SIPA1L3: variants seen among roughly 807,000 people sequenced by gnomAD.
The protein encoded by SIPA1L3 is signal induced proliferation associated 1 like 3, also known as signal-induced proliferation-associated 1-like protein 3.
In SIPA1L3, 59 loss-of-function variants were observed where a neutral mutation model predicts 150.1. The ratio of observed to expected loss-of-function variants is 0.39; its 90% CI spans 0.32 to 0.49. SIPA1L3 has a LOEUF of 0.49. Ranked by LOEUF, SIPA1L3 falls within the 20% of genes least tolerant of loss-of-function variation. The pLI is 0.86. For synonymous variants in SIPA1L3, 1,070 were observed against 1,077.6 expected, an observed-to-expected ratio of 0.99 and a Z score of 0.14; for missense variants, 2,211 against 2,489.5, an observed-to-expected ratio of 0.89 and a Z score of 2.38.
Position 38,082,968 on chromosome 19 carries a change from G to A in SIPA1L3, c.1403G>A (p.Arg468His), listed in dbSNP as rs1172775117. 7 of 1,612,876 alleles carry A rather than the reference G, an allele frequency of 4.3e-6. No individual in the cohort carries two copies. Among genetic ancestry groups the A allele is most frequent in the African/African-American group, 2.7e-5 (2 of 74,944 alleles). The change falls in exon 3 of 22, where the codon CGC becomes CAC. Residue 468 changes from arginine to histidine, a missense_variant. Around this residue, in one of 5 missense-constraint regions of SIPA1L3, gnomAD observed 587 missense variants for 534.5 expected, o/e 1.10. Coordinates refer to ENST00000222345, the MANE Select transcript of SIPA1L3 (RefSeq NM_015073.3). ...GCAGAGCCCGCCCTGAGCGCCTACC[G>A]CACCAACGCCAGCATCTCGGTGTTG... is the stretch of plus-strand genomic sequence containing the variant. Reference protein sequence around the residue: ...HLAEPALSAYRTNASISVLEV... With the variant: ...HLAEPALSAYHTNASISVLEV...
intron 2 of SIPA1L3, among the ~76,000 whole-genome samples, chr19:38,060,486 G>A (rs8106091): frequency 0.16 from 24,459 of 152,160 alleles, 2,386 homozygotes; most frequent in African/African-American, 0.26. Flanking sequence ...GTGGGCTGCG[G>A]CTATGCCTGA....
chr19:38,165,792 C>T (rs185463455), intron 15 of SIPA1L3, among the ~76,000 whole-genome samples: 9 of 152,260 alleles, frequency 5.9e-5, no homozygotes, highest in African/African-American at 1.2e-4. Context: ...GACGGAGTTT[C>T]GTTCTATTCA....
At position 37,909,500 on chromosome 19, in the gene SIPA1L3, G is replaced by A. The variant is rs1329657018; in HGVS notation, c.-379+2142G>A. Among the ~76,000 whole-genome samples the A allele has an allele frequency of 3.3e-5, 5 of 152,176 alleles. No individual in the cohort carries two copies. The South Asian group carries it at 6.2e-4, about 19-fold the overall frequency. On this transcript the variant is annotated intron_variant, in intron 1 of 21. Transcript: ENST00000222345. ...CTGGGATTGTAGGGCATGAACCACCGCGCCTGGCTGTGACAAGGTTAAGTC... is the reference window on the plus strand; with the variant it reads ...CTGGGATTGTAGGGCATGAACCACCACGCCTGGCTGTGACAAGGTTAAGTC...
intron 18 of SIPA1L3, among the ~76,000 whole-genome samples, chr19:38,196,170 A>G (rs1256755067): frequency 6.6e-6 from 1 of 152,172 alleles, no homozygotes; most frequent in African/African-American, 2.4e-5. Flanking sequence ...CCTGGGCTTC[A>G]CTAACCAAGT....
chr19:38,185,767 A>G lies in SIPA1L3; in HGVS notation c.4430+3027A>G, dbSNP rs188940748. 9.1e-4 allele frequency: 138 copies of G among 152,208 alleles called. 2 individuals carry two copies. The highest frequency in any genetic ancestry group is 3.0e-3 in the African/African-American group (125 of 41,536). The allele number at this position is 152,208 out of a possible 1,614,324, so 9.4% of individuals were successfully genotyped here. On this transcript the variant is annotated intron_variant, in intron 16 of 21. Coordinates refer to ENST00000222345, the MANE Select transcript of SIPA1L3 (RefSeq NM_015073.3). ...ATTTCCTCTTTCTGCAAGGACGCCAATCTAACGGGATTAGGGGTCTACCCT... is the reference window on the plus strand; with the variant it reads ...ATTTCCTCTTTCTGCAAGGACGCCAGTCTAACGGGATTAGGGGTCTACCCT...
rs1011204059 is a variant in SIPA1L3, at chr19:38,006,549, A to G, written c.-378-22540A>G. On this transcript the variant is annotated intron_variant, in intron 1 of 21. Coordinates refer to ENST00000222345, the MANE Select transcript of SIPA1L3 (RefSeq NM_015073.3). ...GGAAATGCGTCTCAGACACATGGAA[A>G]GATACCTGACTCTGGGCGTAATAAG... Among the ~76,000 whole-genome samples the G allele has an allele frequency of 2.6e-5, 4 of 152,222 alleles. No homozygotes were observed. In the East Asian group the frequency reaches 7.7e-4, roughly 29 times the overall value.
At chr19:38,163,258 G>A (rs1972132260) in intron 14 of SIPA1L3, among the ~76,000 whole-genome samples, 1 of 152,174 alleles carries the variant, frequency 6.6e-6, no homozygotes, top group Non-Finnish European at 1.5e-5. Context: ...AGGAGGCCAA[G>A]GCGGACGGAT....
At chr19:37,908,950 T>C (rs2046357308) in intron 1 of SIPA1L3, among the ~76,000 whole-genome samples, 1 of 152,210 alleles carries the variant, frequency 6.6e-6, no homozygotes, top group African/African-American at 2.4e-5. Flanking sequence ...TCTTTGATGC[T>C]GTGGCTCAAA....
At chr19:38,123,976 C>A (rs1158842871) in intron 9 of SIPA1L3, among the ~76,000 whole-genome samples, 4 of 51,052 alleles carry the variant, frequency 7.8e-5, no homozygotes, top group African/African-American at 2.3e-4. Context: ...GGGGGGCCAA[C>A]CCCCCCCCAC....
At chr19:38,194,906 C>T (rs1299487436) in intron 18 of SIPA1L3, among the ~76,000 whole-genome samples, 1 of 152,178 alleles carries the variant, frequency 6.6e-6, no homozygotes, top group Non-Finnish European at 1.5e-5. Context: ...CAAAAATTAG[C>T]TGGGCATGGT....
Position 38,047,498 on chromosome 19 carries a change from G to A in SIPA1L3, c.-311+18342G>A, listed in dbSNP as rs147624683. Among the ~76,000 whole-genome samples, 53 of 152,266 alleles carry A rather than the reference G, an allele frequency of 3.5e-4. No individual in the cohort carries two copies. In the East Asian group the frequency reaches 9.1e-3, roughly 26 times the overall value. On this transcript the variant is annotated intron_variant, in intron 2 of 21. Coordinates refer to ENST00000222345, the MANE Select transcript of SIPA1L3 (RefSeq NM_015073.3). The surrounding 1 kb of genome is among the most constrained non-coding windows in gnomAD (Gnocchi z 4.7). ...ATTTGTTGAATGAATGAACCGACAT[G>A]GCCAGTGACACAATGTCTCACTGGG...
intron 9 of SIPA1L3, among the ~76,000 whole-genome samples, chr19:38,124,353 C>T (rs892494369): frequency 6.7e-6 from 1 of 149,536 alleles, no homozygotes; most frequent in Non-Finnish European, 1.5e-5. Flanking sequence ...GCGCTCCTCA[C>T]ATCCCAGACG....
chr19:37,913,003 T>C (rs1332203266), intron 1 of SIPA1L3, among the ~76,000 whole-genome samples: 4 of 152,044 alleles, frequency 2.6e-5, no homozygotes, highest in Non-Finnish European at 5.9e-5. Context: ...CAGTGGGAAA[T>C]ATCACTCCTC....
intron 12 of SIPA1L3, among the ~76,000 whole-genome samples, chr19:38,150,943 T>C (rs894231698): frequency 2.0e-5 from 3 of 152,108 alleles, no homozygotes; most frequent in Non-Finnish European, 4.4e-5. Flanking sequence ...GCTCAAACAT[T>C]GTAGGAATTT....
intron 2 of SIPA1L3, among the ~76,000 whole-genome samples, chr19:38,052,285 T>C (rs1161233462): frequency 1.3e-5 from 2 of 151,670 alleles, no homozygotes; most frequent in Non-Finnish European, 1.5e-5. Context: ...AGGAATTCAA[T>C]ACAGGGAATT....
intron 2 of SIPA1L3, among the ~76,000 whole-genome samples, chr19:38,036,471 G>A (rs539212292): frequency 8.5e-5 from 13 of 152,348 alleles, no homozygotes; most frequent in African/African-American, 2.6e-4. Flanking sequence ...GGCAGTGGAG[G>A]CTTTGGGTCA....
intron 4 of SIPA1L3, among the ~76,000 whole-genome samples, chr19:38,094,551 G>T (rs1034163955): frequency 6.6e-6 from 1 of 152,132 alleles, no homozygotes; most frequent in Non-Finnish European, 1.5e-5. Flanking sequence ...GCACCTGGCT[G>T]TGTGTATGTT....
Position 38,164,926 on chromosome 19 carries a change from C to T in SIPA1L3, c.4208+20C>T. The T allele has an allele frequency of 2.0e-6, 3 of 1,513,320 alleles. No homozygotes were observed. Among genetic ancestry groups the T allele is most frequent in the Non-Finnish European group, 2.6e-6 (3 of 1,132,504 alleles). 93.7% of individuals were successfully genotyped at this position (1,513,320 alleles called of 1,614,324 possible). A position where few individuals can be genotyped will look rare whatever the true frequency, so the allele number is the denominator to read the frequency against. On this transcript the variant is annotated intron_variant, in intron 15 of 21. Coordinates refer to ENST00000222345, the MANE Select transcript of SIPA1L3 (RefSeq NM_015073.3). This position sits in a 1 kb window ranked among gnomAD's most constrained non-coding sequence, Gnocchi z 4.1. ...GCCCAGGTAAGCTGTTGCACCTAGT[C>T]TGGGTTCTAACCACCTTCCACTTCG... is the stretch of plus-strand genomic sequence containing the variant.
chr19:37,932,595 G>A (rs1047637074), intron 1 of SIPA1L3: 1 of 152,112 alleles, frequency 6.6e-6, no homozygotes, highest in East Asian at 1.9e-4. Flanking sequence ...AGGTGGCCTC[G>A]CCCTGGGAGG....
Sources: allele counts gnomAD v4.1 joint callset (sites outside exome capture counted in the v4.1 genomes callset), GRCh38; gene constraint gnomAD v4.1.1; regional missense constraint gnomAD v4.1.1; non-coding constraint Gnocchi (gnomAD v3.1); transcripts MANE v1.5; gene names NCBI Gene and HGNC (gene_info 2026-07-23, HGNC 2026-07-21).